Variants in SULF2 observed in about 807,000 individuals in gnomAD.
SULF2 encodes the protein sulfatase 2, also known as extracellular sulfatase Sulf-2.
A neutral mutation model predicts 107.7 loss-of-function variants in SULF2; 52 were observed. The observed-to-expected ratio is 0.48, with a 90% CI of 0.39 to 0.61. The LOEUF is 0.61. SULF2 is among the 20% of genes least tolerant of loss of function. The probability of loss-of-function intolerance (pLI) is 0.00; values close to 1 mark genes in which losing one functional copy is unlikely to be tolerated. For missense variants in SULF2, 993 were observed against 1,177.3 expected (o/e 0.84, Z 2.29); for synonymous variants, 460 against 464.3 (o/e 0.99, Z 0.12).
Position 47,664,032 on chromosome 20 carries a change from G to A in SULF2, c.2057+98C>T, listed in dbSNP as rs2087180701. 10 of 1,320,828 alleles carry A rather than the reference G, an allele frequency of 7.6e-6. No individual in the cohort carries two copies. The Admixed American group carries it at 2.0e-4, about 26-fold the overall frequency. The allele number at this position is 1,320,828 out of a possible 1,614,324, so 81.8% of individuals were successfully genotyped here. A position where few individuals can be genotyped will look rare whatever the true frequency, so the allele number is the denominator to read the frequency against. ...CCGTGGACTTCCCAGGGAAGGGCCTGGACTTCTTTCCTTTTCTTCTGAGTT... is the reference window on the plus strand; with the variant it reads ...CCGTGGACTTCCCAGGGAAGGGCCTAGACTTCTTTCCTTTTCTTCTGAGTT... On this transcript the variant is annotated intron_variant, in intron 15 of 20. Transcript: ENST00000688720.
At chr20:47,689,827 A>C in intron 5 of SULF2, 1 of 261,770 alleles carries the variant, frequency 3.8e-6, no homozygotes, top group Non-Finnish European at 7.2e-6. Flanking sequence ...AGATGTCTTA[A>C]ATAAAATACA....
intron 2 of SULF2, among the ~76,000 whole-genome samples, chr20:47,751,785 CAG>C (rs2090162608): frequency 6.6e-6 from 1 of 152,224 alleles, no homozygotes; most frequent in Admixed American, 6.5e-5. Context: ...TCCAGGCTGA[CAG>C]AGAGTGGTTG....
At chr20:47,712,662 G>A (rs2088971220) in intron 3 of SULF2, among the ~76,000 whole-genome samples, 2 of 152,168 alleles carry the variant, frequency 1.3e-5, no homozygotes, top group Admixed American at 1.3e-4. Flanking sequence ...TGTGCAAGGT[G>A]GGGCAGCGCC....
At chr20:47,681,027 G>A (rs545273579) in intron 7 of SULF2, among the ~76,000 whole-genome samples, 2 of 152,360 alleles carry the variant, frequency 1.3e-5, no homozygotes, top group East Asian at 3.9e-4. Flanking sequence ...GTGGGAGTCA[G>A]CCTCAGGTCT....
intron 10 of SULF2, among the ~76,000 whole-genome samples, chr20:47,674,261 C>T (rs1029897615): frequency 2.6e-5 from 4 of 152,214 alleles, no homozygotes; most frequent in African/African-American, 7.2e-5. Flanking sequence ...CTGGCGGGGG[C>T]GGCGCCTGAG....
At chr20:47,734,641 C>G (rs949735414) in intron 3 of SULF2, among the ~76,000 whole-genome samples, 6 of 152,196 alleles carry the variant, frequency 3.9e-5, no homozygotes, top group African/African-American at 9.7e-5. Context: ...ACCAGTTCAT[C>G]AGACTAAACA....
chr20:47,692,647 GTTAGCCCAAGTAGATACAGC>G (rs1172683571), intron 4 of SULF2, among the ~76,000 whole-genome samples: 3 of 151,950 alleles, frequency 2.0e-5, no homozygotes, highest in Non-Finnish European at 4.4e-5. Context: ...TCTAACAGTG[GTTAGCCCAAGTAGATACAGC>G]TAGCAAGTGG....
intron 4 of SULF2, among the ~76,000 whole-genome samples, chr20:47,691,660 C>G (rs12624578): frequency 6.6e-6 from 1 of 152,076 alleles, no homozygotes; most frequent in South Asian, 2.1e-4. Flanking sequence ...GGGCAGATGG[C>G]AACTGGCTCC....
chr20:47,725,599 G>A (rs746444591), intron 3 of SULF2, among the ~76,000 whole-genome samples: 3 of 152,212 alleles, frequency 2.0e-5, no homozygotes, highest in Admixed American at 6.5e-5. Flanking sequence ...TTTGCAAGCC[G>A]GTGGCCTGCA....
chr20:47,690,294 T>C lies in SULF2; in HGVS notation c.569A>G (p.Asp190Gly). 6.8e-7 allele frequency: 1 copy of C among 1,475,776 alleles called. No homozygotes were observed. Among genetic ancestry groups the C allele is most frequent in the Non-Finnish European group, 9.1e-7 (1 of 1,104,672 alleles). The allele number at this position is 1,475,776 out of a possible 1,614,324, so 91.4% of individuals were successfully genotyped here. A position where few individuals can be genotyped will look rare whatever the true frequency, so the allele number is the denominator to read the frequency against. Residue 190 changes from aspartate (D) to glycine (G), a missense_variant and splice_region_variant, in exon 5 of 21, where the codon GAT becomes GGT. Coordinates refer to ENST00000688720, the MANE Select transcript of SULF2 (RefSeq NM_001387048.1). ...KEKHGSDYSK[D>G]YLTDLITNDS... ...ATTGGTGATGAGGTCTGTGAGGTAATCCTGGGGGGTGGGGAGAGACAGGAG... is the reference window on the plus strand; with the variant it reads ...ATTGGTGATGAGGTCTGTGAGGTAACCCTGGGGGGTGGGGAGAGACAGGAG...
chr20:47,775,925 G>A (rs372536953), intron 1 of SULF2, among the ~76,000 whole-genome samples: 21 of 152,188 alleles, frequency 1.4e-4, no homozygotes, highest in African/African-American at 4.8e-4. Flanking sequence ...CCCTGGAAGT[G>A]TAGCCATTGG....
intron 4 of SULF2, among the ~76,000 whole-genome samples, chr20:47,697,610 G>A (rs528691383): frequency 3.3e-5 from 5 of 152,220 alleles, no homozygotes; most frequent in African/African-American, 7.2e-5. Context: ...TGACTTCACC[G>A]CCCCGCCCTC....
intron 1 of SULF2, among the ~76,000 whole-genome samples, chr20:47,771,581 T>C (rs2090631464): frequency 6.6e-6 from 1 of 152,206 alleles, no homozygotes. Context: ...ACTCAGCCTC[T>C]GCCCTTGAGC....
intron 2 of SULF2, among the ~76,000 whole-genome samples, chr20:47,741,222 G>A (rs2089871885): frequency 6.6e-6 from 1 of 152,008 alleles, no homozygotes; most frequent in South Asian, 2.1e-4. Context: ...AGAGTGTGGT[G>A]GGACCCAATC....
intron 1 of SULF2, among the ~76,000 whole-genome samples, chr20:47,775,920 G>C (rs1244667317): frequency 1.3e-5 from 2 of 152,190 alleles, no homozygotes; most frequent in Admixed American, 6.5e-5. Flanking sequence ...AATGTCCCTG[G>C]AAGTGTAGCC....
At chr20:47,737,676 C>T (rs188237816) in intron 2 of SULF2, among the ~76,000 whole-genome samples, 2 of 151,788 alleles carry the variant, frequency 1.3e-5, no homozygotes, top group Admixed American at 1.3e-4. Flanking sequence ...AGCAGTCTTG[C>T]AGCATGTGTC....
intron 2 of SULF2, among the ~76,000 whole-genome samples, chr20:47,743,601 T>G (rs915957640): frequency 6.6e-6 from 1 of 152,212 alleles, no homozygotes; most frequent in Non-Finnish European, 1.5e-5. Context: ...TGAGCCACCA[T>G]GCCTGCCTGG....
intron 3 of SULF2, among the ~76,000 whole-genome samples, chr20:47,713,798 CT>C (rs1344523193): frequency 3.3e-5 from 5 of 151,750 alleles, no homozygotes; most frequent in African/African-American, 1.2e-4. Context: ...CAAAAAAGAA[CT>C]GTGAGTTCCC....
Position 47,690,289 on chromosome 20 carries a change from G to A in SULF2, c.574C>T (p.Leu192Phe). The A allele has an allele frequency of 6.7e-7, 1 of 1,495,600 alleles. No homozygotes were observed. The highest frequency in any genetic ancestry group is 2.0e-5 in the Admixed American group (1 of 48,832). 92.6% of individuals were successfully genotyped at this position (1,495,600 alleles called of 1,614,324 possible). ...CTGTCATTGGTGATGAGGTCTGTGA[G>A]GTAATCCTGGGGGGTGGGGAGAGAC... ...KHGSDYSKDY[L>F]TDLITNDSVS... The change falls in exon 5 of 21, where the codon CTC becomes TTC. Residue 192 changes from leucine (L) to phenylalanine (F), a missense_variant. Leu to Phe is a conservative substitution (Grantham distance 22). Around this residue, in one of 3 missense-constraint regions of SULF2, gnomAD observed 388 missense variants for 449.2 expected, o/e 0.86. Coordinates refer to ENST00000688720, the MANE Select transcript of SULF2 (RefSeq NM_001387048.1).
Sources: allele counts gnomAD v4.1 joint callset (sites outside exome capture counted in the v4.1 genomes callset), GRCh38; gene constraint gnomAD v4.1.1; regional missense constraint gnomAD v4.1.1; transcripts MANE v1.5; gene names NCBI Gene and HGNC (gene_info 2026-07-23, HGNC 2026-07-21).